The following ZHX2 variants were observed in gnomAD, a reference collection of about 807,000 sequenced individuals.
The protein encoded by ZHX2 is zinc fingers and homeoboxes protein 2.
In ZHX2, 6 loss-of-function variants were observed where a neutral mutation model predicts 21.9. The ratio of observed to expected loss-of-function variants is 0.27; its 90% CI spans 0.15 to 0.54. The LOEUF is 0.54. Ranked by LOEUF, ZHX2 falls within the 20% of genes least tolerant of loss-of-function variation. The pLI, the probability that ZHX2 is intolerant of heterozygous loss-of-function variation, is 0.95. For synonymous variants in ZHX2, 434 were observed against 437.1 expected (o/e 0.99, Z 0.09); for missense variants, 908 against 1,090.7 (o/e 0.83, Z 2.36).
intron 2 of ZHX2, among the ~76,000 whole-genome samples, chr8:122,936,590 CTCTG>C (rs1338165503): frequency 2.0e-5 from 3 of 152,210 alleles, no homozygotes; most frequent in African/African-American, 7.2e-5. Context: ...TGGCCTGAAA[CTCTG>C]TCTGTCGGGA....
intron 2 of ZHX2, among the ~76,000 whole-genome samples, chr8:122,916,838 T>C (rs1041791449): frequency 5.3e-5 from 8 of 152,070 alleles, no homozygotes; most frequent in African/African-American, 1.7e-4. Context: ...CCCCACCCCT[T>C]CTGGCTTCGT....
At chr8:122,865,129 GTCT>G (rs1246385145) in intron 2 of ZHX2, among the ~76,000 whole-genome samples, 3 of 151,320 alleles carry the variant, frequency 2.0e-5, no homozygotes, top group East Asian at 3.9e-4. Flanking sequence ...GACTTGGCAA[GTCT>G]TTTTTTTTTT....
At chr8:122,933,601 A>G (rs1812598665) in intron 2 of ZHX2, among the ~76,000 whole-genome samples, 1 of 152,210 alleles carries the variant, frequency 6.6e-6, no homozygotes, top group South Asian at 2.1e-4. Flanking sequence ...TCAGGAATTA[A>G]CAGAAAAAAT....
intron 2 of ZHX2, among the ~76,000 whole-genome samples, chr8:122,868,207 G>A (rs561386100): frequency 7.2e-5 from 11 of 152,258 alleles, no homozygotes; most frequent in African/African-American, 2.4e-4. Flanking sequence ...GACAGGAAGG[G>A]TGATCTAATG....
rs1817417410 is a variant in ZHX2 at position 122,787,327 on chromosome 8, T to TA, written c.-283+5382dup. 2.6e-5 allele frequency among the ~76,000 whole-genome samples: 4 copies of TA among 152,274 alleles called. No homozygotes were observed. In the South Asian group the frequency reaches 8.3e-4, roughly 32 times the overall value. On this transcript the variant is annotated intron_variant, in intron 1 of 3. Coordinates refer to ENST00000314393, the MANE Select transcript of ZHX2 (RefSeq NM_014943.5). ...CTTACTCCCTAACATTAGAAACACT[T>TA]AGTGGAGATTAATCTTGTTACACAT...
intron 2 of ZHX2, among the ~76,000 whole-genome samples, chr8:122,891,950 G>A (rs28884000): frequency 0.023 from 3,568 of 152,292 alleles, 90 homozygotes; most frequent in African/African-American, 0.066. Context: ...AGTCTATAGT[G>A]TAGTTTAAAT....
intron 2 of ZHX2, among the ~76,000 whole-genome samples, chr8:122,912,148 T>C (rs1423504340): frequency 6.6e-6 from 1 of 152,230 alleles, no homozygotes; most frequent in Non-Finnish European, 1.5e-5. Flanking sequence ...CCTTGACCCT[T>C]ACCCCACTGG....
Position 122,952,654 on chromosome 8 carries a change from AC to A in ZHX2, c.1146del (p.Ser383AlafsTer28), listed in dbSNP as rs746948720. 1 of 1,614,014 alleles carries A rather than the reference AC, an allele frequency of 6.2e-7. No individual in the cohort carries two copies. Among genetic ancestry groups the A allele is most frequent in the Non-Finnish European group, 8.5e-7 (1 of 1,180,038 alleles). On this transcript the variant is annotated frameshift_variant, in exon 3 of 4. Coordinates refer to ENST00000314393, the MANE Select transcript of ZHX2 (RefSeq NM_014943.5). LOFTEE classifies it low-confidence loss of function (END_TRUNC). The surrounding 1 kb of genome is among the most constrained non-coding windows in gnomAD (Gnocchi z 6.9). ...GQTSLVLTQV[T>X]SGSTTVSCSP... ...GACTAGCCTGGTGCTGACTCAGGTGACCAGCGGGTCAACAACCGTCTCTTGC... is the reference window on the plus strand; with the variant it reads ...GACTAGCCTGGTGCTGACTCAGGTGACAGCGGGTCAACAACCGTCTCTTGC...
At chr8:122,940,658 G>C (rs571276025) in intron 2 of ZHX2, among the ~76,000 whole-genome samples, 70 of 152,302 alleles carry the variant, frequency 4.6e-4, no homozygotes, top group Admixed American at 6.5e-4. Context: ...TGTTGAAAAA[G>C]ACATCACAAT....
intron 3 of ZHX2, among the ~76,000 whole-genome samples, chr8:122,958,670 C>T (rs1813366441): frequency 6.6e-6 from 1 of 152,226 alleles, no homozygotes; most frequent in African/African-American, 2.4e-5. Flanking sequence ...TGGAGGCCAC[C>T]TCTCAACTGT....
At chr8:122,968,841 GAAAAAAA>G (rs11323549) in intron 3 of ZHX2, among the ~76,000 whole-genome samples, 3 of 141,860 alleles carry the variant, frequency 2.1e-5, no homozygotes, top group African/African-American at 7.9e-5. Context: ...CTCCATCTTG[GAAAAAAA>G]AAAAAAGAAA....
intron 2 of ZHX2, among the ~76,000 whole-genome samples, chr8:122,935,407 G>A (rs921592134): frequency 2.0e-5 from 3 of 152,046 alleles, no homozygotes; most frequent in Admixed American, 6.6e-5. Context: ...AAATTGTCAC[G>A]GGTCGTCAGT....
chr8:122,906,238 C>T (rs28417771), intron 2 of ZHX2, among the ~76,000 whole-genome samples: 9,116 of 152,168 alleles, frequency 0.06, 787 homozygotes, highest in African/African-American at 0.19. Context: ...GTCAATTAAA[C>T]AAAACTATAA....
intron 2 of ZHX2, among the ~76,000 whole-genome samples, chr8:122,932,585 G>A (rs752221414): frequency 6.6e-5 from 10 of 152,146 alleles, no homozygotes; most frequent in East Asian, 1.9e-4. Context: ...AGCTGAGATC[G>A]CGCCATTGTA....
chr8:122,952,271 T>G lies in ZHX2; in HGVS notation c.761T>G (p.Leu254Arg). The G allele has an allele frequency of 3.7e-6, 6 of 1,614,016 alleles. No individual in the cohort carries two copies. The highest frequency in any genetic ancestry group is 5.1e-6 in the Non-Finnish European group (6 of 1,179,986). The change falls in exon 3 of 4, where the codon CTT becomes CGT. Residue 254 changes from leucine (L) to arginine (R), a missense_variant. Leu to Arg is a moderately radical substitution (Grantham distance 102). Coordinates refer to ENST00000314393, the MANE Select transcript of ZHX2 (RefSeq NM_014943.5). This position sits in a 1 kb window ranked among gnomAD's most constrained non-coding sequence, Gnocchi z 6.9. ...PSVQLPPNIN[L>R]VPKVPVPLNT... ...GTACAGCTGCCACCAAATATCAACC[T>G]TGTGCCCAAGGTCCCTGTCCCACTA... is the stretch of plus-strand genomic sequence containing the variant.
chr8:122,943,579 T>C (rs1481241998), intron 2 of ZHX2, among the ~76,000 whole-genome samples: 1 of 152,204 alleles, frequency 6.6e-6, no homozygotes, highest in African/African-American at 2.4e-5. Context: ...GTTCAGCCAT[T>C]CCATGGTAGG....
intron 3 of ZHX2, among the ~76,000 whole-genome samples, chr8:122,957,571 G>C (rs951448160): frequency 6.6e-6 from 1 of 152,108 alleles, no homozygotes; most frequent in African/African-American, 2.4e-5. Context: ...AGGTTCAAGC[G>C]ATTCTCCTGC....
intron 2 of ZHX2, among the ~76,000 whole-genome samples, chr8:122,939,167 C>G (rs1419788781): frequency 1.3e-5 from 2 of 152,246 alleles, no homozygotes; most frequent in African/African-American, 4.8e-5. Flanking sequence ...TCACTGGATA[C>G]TCTCAGCTGC....
intron 1 of ZHX2, among the ~76,000 whole-genome samples, chr8:122,790,781 T>C (rs1204500979): frequency 6.6e-6 from 1 of 152,164 alleles, no homozygotes; most frequent in African/African-American, 2.4e-5. Flanking sequence ...CTAATTTTTG[T>C]ATTTTTAGTA....
Sources: gnomAD v4.1 joint callset for allele counts (sites outside exome capture counted in the v4.1 genomes callset) on GRCh38, gnomAD v4.1.1 for gene constraint, Gnocchi (gnomAD v3.1) non-coding constraint, MANE v1.5 for transcripts, NCBI Gene and HGNC (gene_info 2026-07-23, HGNC 2026-07-21) for gene names.